Variants in NAALADL2 observed in about 807,000 individuals in gnomAD.
NAALADL2 encodes inactive N-acetylated-alpha-linked acidic dipeptidase-like protein 2.
NAALADL2 carries 76 observed loss-of-function variants against 87.2 expected under a neutral mutation model. The ratio of observed to expected loss-of-function variants is 0.87; its 90% CI spans 0.72 to 1.05. NAALADL2 has a LOEUF of 1.05. NAALADL2 is among the 50% of genes least tolerant of loss of function. The pLI is 0.00. For missense variants in NAALADL2, 1,089 were observed against 945.8 expected, an observed-to-expected ratio of 1.15 and a Z score of -1.99; for synonymous variants, 354 against 331.0, an observed-to-expected ratio of 1.07 and a Z score of -0.75.
chr3:175,570,880 A>C (rs1174814043), intron 9 of NAALADL2, among the ~76,000 whole-genome samples: 1 of 84,496 alleles, frequency 1.2e-5, no homozygotes, highest in East Asian at 2.3e-4. Flanking sequence ...ACTCCATCTC[A>C]AAAAAAAAAA....
intron 3 of NAALADL2, among the ~76,000 whole-genome samples, chr3:175,254,423 A>G (rs1749574652): frequency 6.6e-6 from 1 of 152,218 alleles, no homozygotes; most frequent in Non-Finnish European, 1.5e-5. Context: ...ATATATGGGA[A>G]AAACCCAAAA....
intron 4 of NAALADL2, among the ~76,000 whole-genome samples, chr3:175,270,694 G>A (rs992832798): frequency 3.3e-5 from 5 of 152,248 alleles, no homozygotes; most frequent in Admixed American, 3.3e-4. Flanking sequence ...CTTAGGGTGC[G>A]TGCTTGTGTG....
chr3:175,693,652 T>TA (rs933369091), intron 11 of NAALADL2, among the ~76,000 whole-genome samples: 2 of 151,656 alleles, frequency 1.3e-5, no homozygotes, highest in African/African-American at 2.4e-5. Context: ...GTTCTGAAAT[T>TA]AAAAAAAAAT....
chr3:175,067,294 A>G (rs1198425944), intron 1 of NAALADL2, among the ~76,000 whole-genome samples: 1 of 152,158 alleles, frequency 6.6e-6, no homozygotes, highest in Admixed American at 6.6e-5. Context: ...AGCTATCAGC[A>G]GAGTAATCAG....
chr3:175,597,280 G>A (rs1171287278), intron 10 of NAALADL2, among the ~76,000 whole-genome samples: 1 of 152,018 alleles, frequency 6.6e-6, no homozygotes, highest in African/African-American at 2.4e-5. Context: ...GGGAAAACCC[G>A]AATATGGATA....
At chr3:174,987,517 C>T (rs1746044724) in intron 1 of NAALADL2, among the ~76,000 whole-genome samples, 1 of 114,030 alleles carries the variant, frequency 8.8e-6, no homozygotes, top group Non-Finnish European at 1.6e-5. Context: ...TGCAGTGAGC[C>T]GAGATTGCGC....
chr3:174,502,941 G>A (rs1718986780), intron 1 of NAALADL2, among the ~76,000 whole-genome samples: 1 of 151,560 alleles, frequency 6.6e-6, no homozygotes, highest in African/African-American at 2.4e-5. Context: ...AGGCAAGAGA[G>A]TTGCTTGAAC....
chr3:175,118,704 A>G (rs1274839496), intron 2 of NAALADL2, among the ~76,000 whole-genome samples: 1 of 151,856 alleles, frequency 6.6e-6, no homozygotes, highest in Non-Finnish European at 1.5e-5. Context: ...GTTCTGGATC[A>G]GTAAGCACTG....
At chr3:175,690,123 A>G (rs889629013) in intron 11 of NAALADL2, among the ~76,000 whole-genome samples, 3 of 152,072 alleles carry the variant, frequency 2.0e-5, no homozygotes, top group Admixed American at 6.6e-5. Flanking sequence ...TGATTCTGCA[A>G]TCTTTCATGC....
intron 5 of NAALADL2, among the ~76,000 whole-genome samples, chr3:175,351,403 A>G (rs78201456): frequency 0.11 from 17,381 of 152,076 alleles, 1,126 homozygotes; most frequent in East Asian, 0.22. Context: ...ATATACATAT[A>G]TGATAACATT....
chr3:175,648,044 C>T (rs1031905241), intron 11 of NAALADL2, among the ~76,000 whole-genome samples: 2 of 152,182 alleles, frequency 1.3e-5, no homozygotes, highest in African/African-American at 4.8e-5. Flanking sequence ...TCCATTCTGT[C>T]TCGTGCCAGC....
At chr3:175,536,680 AT>A (rs1734860870) in intron 9 of NAALADL2, among the ~76,000 whole-genome samples, 1 of 152,094 alleles carries the variant, frequency 6.6e-6, no homozygotes, top group South Asian at 2.1e-4. Context: ...ATAAGAATGT[AT>A]TATGTTTAGT....
At chr3:175,618,150 G>A (rs1056328187) in intron 10 of NAALADL2, among the ~76,000 whole-genome samples, 17 of 152,174 alleles carry the variant, frequency 1.1e-4, no homozygotes, top group African/African-American at 4.1e-4. Context: ...AAATACTTGA[G>A]TTAAATTCTG....
rs114744802 is a variant in NAALADL2, at chr3:174,798,040, T to C, written c.-9+60294T>C. On this transcript the variant is annotated intron_variant, in intron 3 of 3. Coordinates refer to the NAALADL2 transcript ENST00000434257. Reference sequence around the variant, plus strand: ...AATCAGTTAGTTTTTATTTATTATGTGAAATGGAAGACCAACTGTGTTCTC... The same window carrying C: ...AATCAGTTAGTTTTTATTTATTATGCGAAATGGAAGACCAACTGTGTTCTC... Among the ~76,000 whole-genome samples the C allele has an allele frequency of 4.4e-3, 665 of 152,310 alleles. 6 individuals are homozygous for C. Among genetic ancestry groups the C allele is most frequent in the African/African-American group, 0.015 (637 of 41,580 alleles).
intron 1 of NAALADL2, among the ~76,000 whole-genome samples, chr3:174,453,332 G>A (rs2108276585): frequency 6.6e-6 from 1 of 152,226 alleles, no homozygotes; most frequent in South Asian, 2.1e-4. Context: ...AAGAGATGGG[G>A]AGTATGGAAG....
intron 3 of NAALADL2, among the ~76,000 whole-genome samples, chr3:175,240,275 A>G (rs1480408766): frequency 1.3e-5 from 2 of 152,234 alleles, no homozygotes; most frequent in African/African-American, 2.4e-5. Flanking sequence ...TGTGTAAAAT[A>G]TCAATATGTA....
intron 3 of NAALADL2, among the ~76,000 whole-genome samples, chr3:174,773,579 C>G (rs1013921040): frequency 3.9e-5 from 6 of 152,108 alleles, no homozygotes; most frequent in African/African-American, 1.4e-4. Flanking sequence ...TGTGTGCCTT[C>G]AAGATATACT....
At chr3:174,630,481 G>A (rs1342496998) in intron 2 of NAALADL2, among the ~76,000 whole-genome samples, 1 of 151,942 alleles carries the variant, frequency 6.6e-6, no homozygotes, top group African/African-American at 2.4e-5. Context: ...TACTTTTCCT[G>A]GTATTTTCCC....
At chr3:174,826,295 G>A (rs1430501038) in intron 3 of NAALADL2, among the ~76,000 whole-genome samples, 2 of 152,168 alleles carry the variant, frequency 1.3e-5, no homozygotes, top group African/African-American at 4.8e-5. Flanking sequence ...AGAGATAAAT[G>A]GTTAAACATC....
Sources: allele counts gnomAD v4.1 joint callset (sites outside exome capture counted in the v4.1 genomes callset), GRCh38; gene constraint gnomAD v4.1.1; transcripts MANE v1.5; gene names NCBI Gene and HGNC (gene_info 2026-07-23, HGNC 2026-07-21).